Variants in NFATC1 observed in about 807,000 individuals in gnomAD.
NFATC1 encodes the protein nuclear factor of activated T-cells, cytoplasmic 1.
A neutral mutation model predicts 76.0 loss-of-function variants in NFATC1; 22 were observed. The observed-to-expected ratio is 0.29, with a 90% CI of 0.21 to 0.41. The LOEUF (loss-of-function observed/expected upper bound fraction) is 0.41, where lower values mean the gene tolerates loss of function less well. NFATC1 is among the 10% of genes least tolerant of loss of function. NFATC1 has a pLI of 1.00. For synonymous variants in NFATC1, 704 were observed against 613.1 expected, an observed-to-expected ratio of 1.15 and a Z score of -2.19; for missense variants, 1,357 against 1,337.7, an observed-to-expected ratio of 1.01 and a Z score of -0.23.
intron 9 of NFATC1, among the ~76,000 whole-genome samples, chr18:79,518,676 A>T (rs967609689): frequency 6.6e-6 from 1 of 152,182 alleles, no homozygotes; most frequent in Non-Finnish European, 1.5e-5. Context: ...TGCCCCCGCT[A>T]CTCACCGCAG....
At chr18:79,474,139 CGTTGT>C in intron 8 of NFATC1, among the ~76,000 whole-genome samples, 1 of 126,022 alleles carries the variant, frequency 7.9e-6, no homozygotes, top group South Asian at 2.5e-4. Flanking sequence ...TCGCTGTCGA[CGTTGT>C]AAACCTGAGG....
intron 9 of NFATC1, among the ~76,000 whole-genome samples, chr18:79,500,196 T>C (rs1206920971): frequency 6.6e-6 from 1 of 152,156 alleles, no homozygotes; most frequent in Non-Finnish European, 1.5e-5. Flanking sequence ...CTTAATAAAT[T>C]TCAAAATATT....
At chr18:79,442,386 G>A (rs879892527) in intron 3 of NFATC1, among the ~76,000 whole-genome samples, 15 of 152,198 alleles carry the variant, frequency 9.9e-5, no homozygotes, top group Non-Finnish European at 1.9e-4. Flanking sequence ...TGCCATTCAC[G>A]GGCGCCATGT....
At chr18:79,472,213 C>T (rs1004958610) in intron 8 of NFATC1, among the ~76,000 whole-genome samples, 18 of 152,108 alleles carry the variant, frequency 1.2e-4, no homozygotes, top group African/African-American at 4.1e-4. Flanking sequence ...CACCCAGGGT[C>T]GACAGCTGGG....
intron 8 of NFATC1, among the ~76,000 whole-genome samples, chr18:79,484,666 C>T (rs1167126616): frequency 6.6e-6 from 1 of 152,246 alleles, no homozygotes; most frequent in Non-Finnish European, 1.5e-5. Context: ...AATGCAGCAA[C>T]TCCACTCGGA....
intron 2 of NFATC1, among the ~76,000 whole-genome samples, chr18:79,429,583 G>A (rs2086519026): frequency 6.6e-6 from 1 of 152,146 alleles, no homozygotes; most frequent in Admixed American, 6.5e-5. Context: ...AAGGAAGCAC[G>A]CGGAGTGGAG....
At chr18:79,455,469 C>T (rs926921255) in intron 6 of NFATC1, among the ~76,000 whole-genome samples, 7 of 152,244 alleles carry the variant, frequency 4.6e-5, no homozygotes, top group African/African-American at 7.2e-5. Flanking sequence ...CACAGGCGGC[C>T]GGGGCTCCCG....
chr18:79,450,646 T>C (rs1313731182), intron 4 of NFATC1, among the ~76,000 whole-genome samples: 1 of 151,630 alleles, frequency 6.6e-6, no homozygotes, highest in Non-Finnish European at 1.5e-5. Flanking sequence ...TGGACCCGCT[T>C]GGTCAGGGGT....
intron 9 of NFATC1, among the ~76,000 whole-genome samples, chr18:79,521,729 G>A (rs1197626238): frequency 1.2e-5 from 1 of 81,646 alleles, no homozygotes. Context: ...GTGTGTCTGT[G>A]TGTGTGTGGG....
chr18:79,529,002 G>A lies in NFATC1; in HGVS notation c.*1425G>A, dbSNP rs1437604534. 2.0e-5 allele frequency: 3 copies of A among 152,576 alleles called. No homozygotes were observed. Among genetic ancestry groups the A allele is most frequent in the African/African-American group, 7.2e-5 (3 of 41,462 alleles). The allele number at this position is 152,576 out of a possible 1,614,324, so 9.5% of individuals were successfully genotyped here. On this transcript the variant is annotated 3_prime_UTR_variant, in exon 10 of 10. Transcript: ENST00000427363. ...ACCTGCGGGTGGAGGCTCCGGCTGT[G>A]AAGTCACTGAACAGAACGTCGCTGA...
At chr18:79,519,480 ACAC>A (rs903359282) in intron 9 of NFATC1, among the ~76,000 whole-genome samples, 1 of 152,034 alleles carries the variant, frequency 6.6e-6, no homozygotes, top group Non-Finnish European at 1.5e-5. Flanking sequence ...CCACAGGTGC[ACAC>A]CACCATGTCT....
At chr18:79,412,636 A>G (rs919360746) in intron 2 of NFATC1, among the ~76,000 whole-genome samples, 1 of 152,166 alleles carries the variant, frequency 6.6e-6, no homozygotes, top group Non-Finnish European at 1.5e-5. Context: ...TGGAGCACGC[A>G]TGGACAGAAT....
chr18:79,429,821 A>T (rs7236067), intron 2 of NFATC1, among the ~76,000 whole-genome samples: 2,990 of 152,386 alleles, frequency 0.02, 70 homozygotes, highest in African/African-American at 0.051. Context: ...CTAAATCTGC[A>T]AATGATTCCA....
chr18:79,416,725 C>G (rs909421734), intron 2 of NFATC1, among the ~76,000 whole-genome samples: 1 of 152,192 alleles, frequency 6.6e-6, no homozygotes. Context: ...CCCTGTAAGC[C>G]CCTCCCTTTC....
chr18:79,400,618 G>A, intron 1 of NFATC1: 4 of 739,742 alleles, frequency 5.4e-6, no homozygotes, highest in Non-Finnish European at 5.7e-6. Flanking sequence ...CTACGGCGGG[G>A]GACGCTGCAG....
At chr18:79,468,331 C>A (rs1041793721) in intron 8 of NFATC1, 3 of 152,212 alleles carry the variant, frequency 2.0e-5, no homozygotes, top group African/African-American at 7.2e-5. Context: ...AGGCCACTCC[C>A]CCCAGCTCGG....
intron 9 of NFATC1, among the ~76,000 whole-genome samples, chr18:79,503,163 C>G (rs566066608): frequency 1.3e-5 from 2 of 152,224 alleles, no homozygotes; most frequent in Non-Finnish European, 2.9e-5. Context: ...CACCCCAGGA[C>G]TCAGGTGAAC....
At position 79,448,852 on chromosome 18, in the gene NFATC1, T is replaced by C; in HGVS notation, c.1457T>C (p.Leu486Pro). 1 of 1,613,830 alleles carries C rather than the reference T, an allele frequency of 6.2e-7. No individual in the cohort carries two copies. Among genetic ancestry groups the C allele is most frequent in the Non-Finnish European group, 8.5e-7 (1 of 1,180,030 alleles). Residue 486 changes from leucine (L) to proline (P), a missense_variant, in exon 4 of 10, where the codon CTG becomes CCG. Leu to Pro is a moderately conservative substitution (Grantham distance 98). This residue lies in a region of NFATC1 where 242 missense variants were observed against 329.2 expected (regional missense o/e 0.74). Transcript: ENST00000427363. ...ATTGGGACGGCGGACGACCGCCTGC[T>C]GCGCCCGCACGCCTTCTACCAGGTG... Reference protein sequence around the residue: ...LFIGTADDRLLRPHAFYQVHR... With the variant: ...LFIGTADDRLPRPHAFYQVHR...
At chr18:79,476,861 G>A (rs972149381) in intron 8 of NFATC1, among the ~76,000 whole-genome samples, 3 of 152,198 alleles carry the variant, frequency 2.0e-5, no homozygotes, top group East Asian at 1.9e-4. Context: ...CCAGACTCAC[G>A]TGGTCGTGAC....
Sources: allele counts gnomAD v4.1 joint callset (sites outside exome capture counted in the v4.1 genomes callset), GRCh38; gene constraint gnomAD v4.1.1; regional missense constraint gnomAD v4.1.1; transcripts MANE v1.5; gene names NCBI Gene and HGNC (gene_info 2026-07-23, HGNC 2026-07-21).